The following CNTNAP2 variants were observed in gnomAD, a reference collection of about 807,000 sequenced individuals.
CNTNAP2 encodes contactin associated protein 2.
CNTNAP2 carries 98 observed loss-of-function variants against 155.2 expected under a neutral mutation model. That is an observed-to-expected ratio of 0.63 (90% confidence interval 0.54 to 0.75). The LOEUF (loss-of-function observed/expected upper bound fraction) is 0.75. Ranked by LOEUF, CNTNAP2 falls within the 30% of genes least tolerant of loss-of-function variation. CNTNAP2 has a pLI of 0.00. For missense variants in CNTNAP2, 1,727 were observed against 1,688.1 expected (o/e 1.02, Z -0.40); for synonymous variants, 651 against 631.2 (o/e 1.03, Z -0.47).
chr7:146,273,079 A>AG (rs1800107473), intron 1 of CNTNAP2, among the ~76,000 whole-genome samples: 3 of 140,582 alleles, frequency 2.1e-5, no homozygotes, highest in South Asian at 4.3e-4. Flanking sequence ...AGGGTGAGAG[A>AG]AAGAGAAAGA....
intron 8 of CNTNAP2, among the ~76,000 whole-genome samples, chr7:147,253,116 G>A (rs998663847): frequency 3.9e-5 from 6 of 152,162 alleles, no homozygotes; most frequent in Admixed American, 6.5e-5. Flanking sequence ...AGTCCAGGTC[G>A]TTAAAACTTA....
chr7:147,554,714 C>T (rs528564570), intron 11 of CNTNAP2, among the ~76,000 whole-genome samples: 123 of 152,094 alleles, frequency 8.1e-4, no homozygotes, highest in Non-Finnish European at 1.4e-3. Flanking sequence ...GATCATGACA[C>T]AATATTAGCA....
chr7:147,809,219 G>T (rs1798142522), intron 13 of CNTNAP2, among the ~76,000 whole-genome samples: 1 of 152,108 alleles, frequency 6.6e-6, no homozygotes, highest in Non-Finnish European at 1.5e-5. Flanking sequence ...AGATTAATCT[G>T]TTTTCTCTCC....
chr7:147,851,558 G>A (rs1341905485), intron 13 of CNTNAP2, among the ~76,000 whole-genome samples: 1 of 152,064 alleles, frequency 6.6e-6, no homozygotes, highest in Non-Finnish European at 1.5e-5. Flanking sequence ...TTAAGAAAAT[G>A]TGGCACATAT....
At chr7:147,448,256 A>C (rs1797775328) in intron 10 of CNTNAP2, among the ~76,000 whole-genome samples, 1 of 152,108 alleles carries the variant, frequency 6.6e-6, no homozygotes, top group Non-Finnish European at 1.5e-5. Flanking sequence ...ACAATGTTGA[A>C]GAGGAATTAT....
At chr7:146,944,876 T>TCA (rs1797129763) in intron 3 of CNTNAP2, among the ~76,000 whole-genome samples, 1 of 141,558 alleles carries the variant, frequency 7.1e-6, no homozygotes, top group African/African-American at 2.6e-5. Context: ...AGACTCCGTC[T>TCA]AAAAAAAAAA....
chr7:147,196,043 G>C (rs551954422), intron 8 of CNTNAP2, among the ~76,000 whole-genome samples: 1 of 152,216 alleles, frequency 6.6e-6, no homozygotes, highest in South Asian at 2.1e-4. Flanking sequence ...CTTATAAGAA[G>C]GGGAAATTAG....
At chr7:146,965,581 A>C (rs1797641498) in intron 3 of CNTNAP2, among the ~76,000 whole-genome samples, 1 of 152,004 alleles carries the variant, frequency 6.6e-6, no homozygotes, top group Non-Finnish European at 1.5e-5. Flanking sequence ...TTTGGGTACA[A>C]GCAGAAGTTG....
chr7:146,571,714 T>TA (rs1798442159), intron 1 of CNTNAP2, among the ~76,000 whole-genome samples: 1 of 147,182 alleles, frequency 6.8e-6, no homozygotes, highest in Non-Finnish European at 1.5e-5. Flanking sequence ...TTTAAACATT[T>TA]AAAAACTTTT....
intron 1 of CNTNAP2, among the ~76,000 whole-genome samples, chr7:146,628,910 C>G (rs1396260195): frequency 6.6e-6 from 1 of 152,046 alleles, no homozygotes; most frequent in East Asian, 1.9e-4. Flanking sequence ...CTTAAATAAC[C>G]TACTGCACAC....
At chr7:146,188,568 A>G (rs975482276) in intron 1 of CNTNAP2, among the ~76,000 whole-genome samples, 4 of 152,184 alleles carry the variant, frequency 2.6e-5, no homozygotes, top group Admixed American at 2.0e-4. Flanking sequence ...AATTTGTTCT[A>G]GAAAATGTTA....
At chr7:147,658,067 A>T (rs11974369) in intron 13 of CNTNAP2, among the ~76,000 whole-genome samples, 59,617 of 143,988 alleles carry the variant, frequency 0.41, 17,635 homozygotes, top group African/African-American at 0.72. Flanking sequence ...CCATCCCGGC[A>T]AAAATGGTGA....
At chr7:146,226,359 T>TA (rs926767457) in intron 1 of CNTNAP2, among the ~76,000 whole-genome samples, 10 of 152,096 alleles carry the variant, frequency 6.6e-5, no homozygotes, top group South Asian at 2.1e-4. Flanking sequence ...TGCAAAATTT[T>TA]AAAAAAAATT....
At chr7:147,443,256 G>A (rs547314421) in intron 10 of CNTNAP2, among the ~76,000 whole-genome samples, 9 of 152,200 alleles carry the variant, frequency 5.9e-5, no homozygotes, top group Admixed American at 3.3e-4. Context: ...TCCATGGGTG[G>A]GTGTCAGCGG....
chr7:146,133,690 T>C (rs113720552), intron 1 of CNTNAP2, among the ~76,000 whole-genome samples: 5 of 152,152 alleles, frequency 3.3e-5, no homozygotes, highest in Middle Eastern at 3.4e-3. Context: ...CCATTGCTTG[T>C]TTTTCTCAGG....
intron 13 of CNTNAP2, among the ~76,000 whole-genome samples, chr7:147,801,739 G>A (rs190894678): frequency 0.029 from 4,474 of 152,172 alleles, 195 homozygotes; most frequent in African/African-American, 0.1. Flanking sequence ...ACACAGACAC[G>A]GCAACCATCC....
intron 3 of CNTNAP2, among the ~76,000 whole-genome samples, chr7:147,000,563 T>G (rs186496936): frequency 7.4e-4 from 113 of 152,178 alleles, no homozygotes; most frequent in Non-Finnish European, 1.2e-3. Context: ...AGGTTAAGAG[T>G]GGGCCACCTG....
chr7:146,517,773 C>T (rs980062410), intron 1 of CNTNAP2, among the ~76,000 whole-genome samples: 4 of 151,864 alleles, frequency 2.6e-5, no homozygotes, highest in Non-Finnish European at 4.4e-5. Flanking sequence ...CACAAAACAA[C>T]AGAGAGGTGG....
chr7:147,037,132 A>G (rs916297164), intron 3 of CNTNAP2, among the ~76,000 whole-genome samples: 3 of 152,104 alleles, frequency 2.0e-5, no homozygotes, highest in Non-Finnish European at 4.4e-5. Context: ...AATATTATTG[A>G]TTTTGTAAAA....
Sources: gnomAD v4.1 joint callset for allele counts (sites outside exome capture counted in the v4.1 genomes callset) on GRCh38, gnomAD v4.1.1 for gene constraint, MANE v1.5 for transcripts, NCBI Gene and HGNC (gene_info 2026-07-23, HGNC 2026-07-21) for gene names.